The following CCDC102B variants were observed in gnomAD, a reference collection of about 807,000 sequenced individuals.
CCDC102B encodes the protein coiled-coil domain-containing protein 102B.
In CCDC102B, 75 loss-of-function variants were observed where a neutral mutation model predicts 57.4. The ratio of observed to expected loss-of-function variants is 1.31; its 90% CI spans 1.08 to 1.58. The LOEUF is 1.58. CCDC102B is among the 40% of genes most tolerant of loss of function. CCDC102B has a pLI of 0.00. For missense variants in CCDC102B, 636 were observed against 582.6 expected, an observed-to-expected ratio of 1.09 and a Z score of -0.94; for synonymous variants, 206 against 201.9, an observed-to-expected ratio of 1.02 and a Z score of -0.17.
rs1209858109 is a variant in CCDC102B, at chr18:68,984,727, C to A, written c.1264-26207C>A. Among the ~76,000 whole-genome samples the A allele has an allele frequency of 2.0e-5, 3 of 152,128 alleles. No individual in the cohort carries two copies. The East Asian group carries it at 5.8e-4, about 29-fold the overall frequency. On this transcript the variant is annotated intron_variant, in intron 6 of 7. Transcript: ENST00000360242. Reference sequence around the variant, plus strand: ...TTTCAATGCTTCTCTTTTAGAAATACCAACACAGAGTGAGAGATAAAACTT... The same window carrying A: ...TTTCAATGCTTCTCTTTTAGAAATAACAACACAGAGTGAGAGATAAAACTT...
At chr18:68,853,652 TTTTC>T (rs1334113269) in intron 4 of CCDC102B, among the ~76,000 whole-genome samples, 1 of 135,470 alleles carries the variant, frequency 7.4e-6, no homozygotes, top group Non-Finnish European at 1.5e-5. Context: ...TATTCCGAAT[TTTTC>T]TTTATCCCCA....
intron 6 of CCDC102B, among the ~76,000 whole-genome samples, chr18:68,921,049 G>A (rs2041260660): frequency 6.6e-6 from 1 of 152,168 alleles, no homozygotes; most frequent in African/African-American, 2.4e-5. Context: ...TGTTGTAAAA[G>A]TGTCATGCCC....
chr18:68,768,595 A>G (rs1020683104), intron 2 of CCDC102B, among the ~76,000 whole-genome samples: 6 of 152,214 alleles, frequency 3.9e-5, no homozygotes, highest in African/African-American at 1.4e-4. Context: ...TTTAGTTACC[A>G]AAGTCAAAAT....
intron 4 of CCDC102B, among the ~76,000 whole-genome samples, chr18:68,856,242 C>A (rs1568291313): frequency 6.6e-6 from 1 of 152,076 alleles, no homozygotes; most frequent in East Asian, 1.9e-4. Flanking sequence ...TTTTAAAACT[C>A]TATTTTTTCT....
chr18:68,764,736 T>G (rs1472632411), intron 2 of CCDC102B, among the ~76,000 whole-genome samples: 1 of 152,014 alleles, frequency 6.6e-6, no homozygotes, highest in Non-Finnish European at 1.5e-5. Context: ...TTTTAAAATA[T>G]CCATCAACAC....
At chr18:68,873,058 A>T (rs2039298802) in intron 4 of CCDC102B, among the ~76,000 whole-genome samples, 1 of 152,086 alleles carries the variant, frequency 6.6e-6, no homozygotes. Flanking sequence ...AATGAATTCG[A>T]TATTCTTTTG....
chr18:68,723,247 C>A (rs1056511436), intron 2 of CCDC102B, among the ~76,000 whole-genome samples: 1 of 152,122 alleles, frequency 6.6e-6, no homozygotes, highest in Non-Finnish European at 1.5e-5. Flanking sequence ...ACCCTTGATA[C>A]ATGGGGATTA....
chr18:68,997,354 A>G (rs1358403394), intron 6 of CCDC102B, among the ~76,000 whole-genome samples: 1 of 152,162 alleles, frequency 6.6e-6, no homozygotes, highest in African/African-American at 2.4e-5. Context: ...TACATATTGT[A>G]TCTATTTCCT....
chr18:69,002,839 A>G (rs2051241710), intron 6 of CCDC102B, among the ~76,000 whole-genome samples: 5 of 152,140 alleles, frequency 3.3e-5, no homozygotes, highest in Admixed American at 2.6e-4. Context: ...CAAACTCTAT[A>G]CCAGGATTTT....
At chr18:68,822,329 G>T (rs2036722408) in intron 1 of CCDC102B, among the ~76,000 whole-genome samples, 3 of 151,908 alleles carry the variant, frequency 2.0e-5, no homozygotes, top group Admixed American at 1.3e-4. Context: ...GGGAGGCGTA[G>T]GTTGCAGTGA....
intron 5 of CCDC102B, 86 bp from the exon 6 acceptor site, chr18:68,897,133 T>A: frequency 2.0e-6 from 2 of 981,492 alleles, no homozygotes; most frequent in Non-Finnish European, 3.1e-6. Flanking sequence ...CATGAACTTT[T>A]CTTAATGGGA....
intron 4 of CCDC102B, among the ~76,000 whole-genome samples, chr18:68,863,783 A>G (rs1214767639): frequency 6.6e-6 from 1 of 151,940 alleles, no homozygotes; most frequent in Non-Finnish European, 1.5e-5. Flanking sequence ...GTTTCAATCT[A>G]TTACTCTCTT....
chr18:68,906,673 A>G (rs2040655847), intron 6 of CCDC102B, among the ~76,000 whole-genome samples: 2 of 152,100 alleles, frequency 1.3e-5, no homozygotes, highest in African/African-American at 2.4e-5. Context: ...TCTTTGACTA[A>G]TTTTAAATTG....
At chr18:68,717,880 A>T (rs1221750503) in intron 2 of CCDC102B, 1 of 152,196 alleles carries the variant, frequency 6.6e-6, no homozygotes, top group Non-Finnish European at 1.5e-5. Context: ...GTATGATAAC[A>T]TTAAGAGGTG....
intron 5 of CCDC102B, among the ~76,000 whole-genome samples, chr18:68,882,687 A>C (rs1780485845): frequency 6.6e-6 from 1 of 152,214 alleles, no homozygotes; most frequent in South Asian, 2.1e-4. Context: ...ACAACAATAA[A>C]AGGATTGCCA....
intron 2 of CCDC102B, among the ~76,000 whole-genome samples, chr18:68,789,892 G>A: frequency 6.6e-6 from 1 of 152,020 alleles, no homozygotes; most frequent in East Asian, 1.9e-4. Flanking sequence ...TTCCTTTGGA[G>A]GAGGAGAGGT....
intron 6 of CCDC102B, among the ~76,000 whole-genome samples, chr18:68,911,256 C>CA (rs1348463419): frequency 5.3e-5 from 8 of 151,978 alleles, no homozygotes; most frequent in African/African-American, 1.5e-4. Flanking sequence ...TATGCAGCCA[C>CA]AAAAAAGAAT....
intron 2 of CCDC102B, among the ~76,000 whole-genome samples, chr18:68,780,736 T>C (rs2034978954): frequency 1.3e-5 from 2 of 151,962 alleles, no homozygotes; most frequent in South Asian, 2.1e-4. Flanking sequence ...TTCTGGGCCC[T>C]ACTCTACCAT....
At chr18:68,948,862 T>C (rs907256020) in intron 6 of CCDC102B, among the ~76,000 whole-genome samples, 19 of 152,078 alleles carry the variant, frequency 1.2e-4, no homozygotes, top group Non-Finnish European at 2.5e-4. Context: ...ACATGCTAGG[T>C]GATGATAAGC....
Sources: allele counts gnomAD v4.1 joint callset (sites outside exome capture counted in the v4.1 genomes callset), GRCh38; gene constraint gnomAD v4.1.1; transcripts MANE v1.5; gene names NCBI Gene and HGNC (gene_info 2026-07-23, HGNC 2026-07-21).